The following ALDH18A1 variants were observed in gnomAD, a reference collection of about 807,000 sequenced individuals.
The protein encoded by ALDH18A1 is aldehyde dehydrogenase 18 family member A1.
In ALDH18A1, 44 loss-of-function variants were observed where a neutral mutation model predicts 88.8. That is an observed-to-expected ratio of 0.50 (90% CI 0.39 to 0.64). The LOEUF (loss-of-function observed/expected upper bound fraction) is 0.64, where lower values mean the gene tolerates loss of function less well. Among genes scored for constraint, ALDH18A1 ranks in the 30% least tolerant of loss-of-function variants. ALDH18A1 has a pLI of 0.00. For synonymous variants in ALDH18A1, 331 were observed against 372.1 expected (o/e 0.89, Z 1.27); for missense variants, 782 against 1,009.5 (o/e 0.77, Z 3.05).
intron 1 of ALDH18A1, among the ~76,000 whole-genome samples, chr10:95,655,681 AGT>A (rs3838754): frequency 0.16 from 23,548 of 150,130 alleles, 2,143 homozygotes; most frequent in East Asian, 0.44. Flanking sequence ...GAGCAAAGAG[AGT>A]GTGTGTGTGT....
At chr10:95,629,933 CA>C (rs1258935736) in intron 7 of ALDH18A1, among the ~76,000 whole-genome samples, 1 of 143,666 alleles carries the variant, frequency 7.0e-6, no homozygotes, top group African/African-American at 2.5e-5. Flanking sequence ...CAAAACCTTA[CA>C]TTTTTTTTTT....
At chr10:95,623,786 A>G (rs2097856559) in intron 11 of ALDH18A1, among the ~76,000 whole-genome samples, 1 of 152,094 alleles carries the variant, frequency 6.6e-6, no homozygotes, top group Non-Finnish European at 1.5e-5. Flanking sequence ...GCTGGTCTTG[A>G]GCTCCCAACC....
intron 11 of ALDH18A1, among the ~76,000 whole-genome samples, chr10:95,621,734 A>T (rs1335610434): frequency 1.3e-5 from 2 of 152,118 alleles, no homozygotes; most frequent in Non-Finnish European, 2.9e-5. Flanking sequence ...ACATAGCATC[A>T]TGTAAAGCTG....
At chr10:95,609,272 A>G (rs2097828661) in intron 17 of ALDH18A1, among the ~76,000 whole-genome samples, 1 of 152,248 alleles carries the variant, frequency 6.6e-6, no homozygotes, top group Non-Finnish European at 1.5e-5. Context: ...GGAAAGGGAC[A>G]GAAGTGCCCT....
chr10:95,650,987 G>T (rs1452404993), intron 2 of ALDH18A1, among the ~76,000 whole-genome samples: 3 of 151,872 alleles, frequency 2.0e-5, no homozygotes, highest in African/African-American at 7.3e-5. Context: ...TACAAAAACT[G>T]GCTGGGCATG....
chr10:95,626,544 A>G (rs957661036), intron 10 of ALDH18A1, among the ~76,000 whole-genome samples, 159 bp downstream of exon 10: 18 of 152,208 alleles, frequency 1.2e-4, no homozygotes, highest in Non-Finnish European at 4.4e-5. Flanking sequence ...TAAAATTAAG[A>G]AAAAGAAAAA....
chr10:95,651,270 A>G (rs1242051838), intron 2 of ALDH18A1, among the ~76,000 whole-genome samples: 2 of 152,256 alleles, frequency 1.3e-5, no homozygotes, highest in Non-Finnish European at 2.9e-5. Context: ...TGTGATTATC[A>G]CTACATACCT....
chr10:95,656,110 G>A (rs1461579363), intron 1 of ALDH18A1, among the ~76,000 whole-genome samples: 1 of 152,138 alleles, frequency 6.6e-6, no homozygotes, highest in South Asian at 2.1e-4. Flanking sequence ...TGAACGCCTG[G>A]AGGGCCGCGG....
chr10:95,647,123 C>A (rs958547752), intron 2 of ALDH18A1, among the ~76,000 whole-genome samples: 12 of 152,078 alleles, frequency 7.9e-5, no homozygotes, highest in African/African-American at 2.9e-4. Flanking sequence ...CAGAAAAATC[C>A]AAATCCCCAA....
At chr10:95,632,403 T>C (rs2097871845) in intron 7 of ALDH18A1, among the ~76,000 whole-genome samples, 1 of 152,228 alleles carries the variant, frequency 6.6e-6, no homozygotes, top group African/African-American at 2.4e-5. Flanking sequence ...TCTCGCTCTG[T>C]CACCCAGGCT....
chr10:95,630,051 T>A (rs1205962707), intron 7 of ALDH18A1, among the ~76,000 whole-genome samples: 1 of 152,178 alleles, frequency 6.6e-6, no homozygotes, highest in African/African-American at 2.4e-5. Flanking sequence ...TGACTTCAGA[T>A]ACACCATTTA....
At chr10:95,622,561 G>A (rs542143533) in intron 11 of ALDH18A1, among the ~76,000 whole-genome samples, 7 of 151,762 alleles carry the variant, frequency 4.6e-5, no homozygotes, top group South Asian at 2.1e-4. Context: ...TTTTTGAGAC[G>A]GAGTCTCGCT....
chr10:95,626,568 T>G (rs1470953108), intron 10 of ALDH18A1, 135 bp downstream of exon 10: 5 of 827,432 alleles, frequency 6.0e-6, no homozygotes, highest in South Asian at 1.5e-5. Context: ...CAGAGCAAAT[T>G]TGAATCAGAC....
chr10:95,653,187 C>CCAAA (rs761811497), intron 2 of ALDH18A1, 103 bp downstream of exon 2: 88 of 1,154,670 alleles, frequency 7.6e-5, no homozygotes, highest in East Asian at 2.6e-4. Context: ...GACCCTGTCT[C>CCAAA]CAAACAAACA....
Position 95,621,104 on chromosome 10 carries a change from T to A in ALDH18A1, c.1394A>T (p.Glu465Val), listed in dbSNP as rs1266352614. The A allele has an allele frequency of 1.2e-6, 2 of 1,614,082 alleles. No homozygotes were observed. Among genetic ancestry groups the A allele is most frequent in the African/African-American group, 1.3e-5 (1 of 74,996 alleles). The change falls in exon 12 of 18, where the codon GAA (glutamate) becomes GTA (valine). Residue 465 changes from glutamate to valine, a missense_variant. Glu to Val is a moderately radical substitution (Grantham distance 121). Coordinates refer to ENST00000371224, the MANE Select transcript of ALDH18A1 (RefSeq NM_002860.4). ...AATTGGGACAGTCACTTGTTCCAGT[T>A]CCAAGTTTTTGGCGATTCGGGTGCG... ...LRRTRIAKNL[E>V]LEQVTVPIGV...
chr10:95,645,117 ATGC>A (rs1457918150), intron 2 of ALDH18A1, among the ~76,000 whole-genome samples: 2 of 152,204 alleles, frequency 1.3e-5, no homozygotes, highest in East Asian at 3.8e-4. Flanking sequence ...GGGAGATAAG[ATGC>A]TGTCAATCAG....
chr10:95,620,915 T>G, intron 12 of ALDH18A1, 116 bp downstream of exon 12: 1 of 1,033,440 alleles, frequency 9.7e-7, no homozygotes, highest in Non-Finnish European at 1.4e-6. Context: ...GTTGTGCACA[T>G]GTACCCTAGA....
chr10:95,640,703 T>C (rs2139633595), intron 3 of ALDH18A1, among the ~76,000 whole-genome samples: 1 of 152,304 alleles, frequency 6.6e-6, no homozygotes, highest in Non-Finnish European at 1.5e-5. Flanking sequence ...CAGTTTAAGT[T>C]GGCTCCTGAG....
rs748094627 is a variant in ALDH18A1 at position 95,606,892 on chromosome 10, C to A, written c.2258G>T (p.Gly753Val). 6.2e-7 allele frequency: 1 copy of A among 1,614,198 alleles called. No homozygotes were observed. The highest frequency in any genetic ancestry group is 1.1e-5 in the South Asian group (1 of 91,078). The change falls in exon 18 of 18, where the codon GGA becomes GTA. Residue 753 changes from glycine to valine, a missense_variant. This residue lies in a region of ALDH18A1 where 556 missense variants were observed against 654.5 expected (regional missense o/e 0.85). Transcript: ENST00000371224. Reference protein sequence around the residue: ...TSRIHARGPVGLEGLLTTKWL... With the variant: ...TSRIHARGPVVLEGLLTTKWL... ...CTTAGTAGTAAGCAGTCCCTCAAGT[C>A]CTACTGGTCCCCGGGCGTGGATTCT...
Sources: allele counts gnomAD v4.1 joint callset (sites outside exome capture counted in the v4.1 genomes callset), GRCh38; gene constraint gnomAD v4.1.1; regional missense constraint gnomAD v4.1.1; transcripts MANE v1.5; gene names NCBI Gene and HGNC (gene_info 2026-07-23, HGNC 2026-07-21).